The following PRKCQ variants were observed in gnomAD, a reference collection of about 807,000 sequenced individuals.
The protein encoded by PRKCQ is protein kinase C theta.
In PRKCQ, 41 loss-of-function variants were observed where a neutral mutation model predicts 91.2. That is an observed-to-expected ratio of 0.45 (90% CI 0.35 to 0.58). The LOEUF is 0.58. Ranked by LOEUF, PRKCQ falls within the 20% of genes least tolerant of loss-of-function variation. The pLI is 0.00. For missense variants in PRKCQ, 673 were observed against 896.5 expected (o/e 0.75, Z 3.18); for synonymous variants, 307 against 316.9 (o/e 0.97, Z 0.33).
chr10:6,544,152 T>C (rs1165743934), intron 1 of PRKCQ, among the ~76,000 whole-genome samples: 3 of 152,222 alleles, frequency 2.0e-5, no homozygotes, highest in Non-Finnish European at 4.4e-5. Flanking sequence ...CAAAGGGTTA[T>C]GTAGAATATT....
intron 8 of PRKCQ, among the ~76,000 whole-genome samples, chr10:6,486,680 C>T (rs538787282): frequency 2.6e-3 from 399 of 152,358 alleles, no homozygotes; most frequent in Non-Finnish European, 4.5e-3. Flanking sequence ...TTGAATTCTT[C>T]CTGGGCGAAG....
At position 6,497,267 on chromosome 10, in the gene PRKCQ, C is replaced by T. The variant is rs115566967; in HGVS notation, c.543-16G>A. On this transcript the variant is annotated splice_polypyrimidine_tract_variant and intron_variant, in intron 5 of 17. Transcript: ENST00000263125. The surrounding 1 kb of genome is among the most constrained non-coding windows in gnomAD (Gnocchi z 4.5). ...GTTCAGGCCCCTGTAATAAAGCACA[C>T]GCTGATTTATTTCAATGTTGGCATC... 3.0e-5 allele frequency: 49 copies of T among 1,613,896 alleles called. No individual in the cohort carries two copies. The highest frequency in any genetic ancestry group is 3.7e-5 in the Non-Finnish European group (44 of 1,179,976).
At chr10:6,544,000 T>C (rs1023054706) in intron 1 of PRKCQ, among the ~76,000 whole-genome samples, 6 of 152,146 alleles carry the variant, frequency 3.9e-5, no homozygotes, top group Non-Finnish European at 5.9e-5. Flanking sequence ...ATGGTTTGCA[T>C]ATTTCTTCCA....
chr10:6,473,659 T>C (rs111949570), intron 12 of PRKCQ, among the ~76,000 whole-genome samples: 166 of 152,346 alleles, frequency 1.1e-3, no homozygotes, highest in African/African-American at 3.7e-3. Context: ...GGGTTTTCTT[T>C]TCTTTGCTAC....
chr10:6,400,923 G>T, the PRKCQ span, among the ~76,000 whole-genome samples: 1 of 152,180 alleles, frequency 6.6e-6, no homozygotes, highest in African/African-American at 2.4e-5. Flanking sequence ...ACCATAGTTC[G>T]TTCCCTTTTA....
At chr10:6,556,712 A>T (rs1402911253) in intron 1 of PRKCQ, among the ~76,000 whole-genome samples, 3 of 152,094 alleles carry the variant, frequency 2.0e-5, no homozygotes, top group Non-Finnish European at 4.4e-5. Context: ...TTATGTAAGC[A>T]TTTGATTTAT....
chr10:6,480,697 T>C (rs1310714934), intron 11 of PRKCQ, among the ~76,000 whole-genome samples: 1 of 152,234 alleles, frequency 6.6e-6, no homozygotes, highest in Non-Finnish European at 1.5e-5. Flanking sequence ...GATCTCTGAA[T>C]CACAGTTGCT....
chr10:6,463,840 C>T (rs1268541389), intron 13 of PRKCQ, among the ~76,000 whole-genome samples: 3 of 152,130 alleles, frequency 2.0e-5, no homozygotes, highest in African/African-American at 2.4e-5. Context: ...CAGCCTGCCC[C>T]GTCTCCAGGT....
chr10:6,556,497 G>C (rs1840421575), intron 1 of PRKCQ, among the ~76,000 whole-genome samples: 2 of 149,460 alleles, frequency 1.3e-5, no homozygotes, highest in South Asian at 2.1e-4. Flanking sequence ...CAAATTCATA[G>C]AGACAAAGAG....
At chr10:6,494,881 G>C (rs1483578946) in intron 7 of PRKCQ, among the ~76,000 whole-genome samples, 1 of 152,110 alleles carries the variant, frequency 6.6e-6, no homozygotes, top group Non-Finnish European at 1.5e-5. Context: ...GCTTCAACTT[G>C]GATGTCCACC....
In PRKCQ at chr10:6,529,615, C is replaced by T. The variant is rs146287017; in HGVS notation, c.-9-14471G>A. ...GCCGAGTTCAAAAAGGCACAGAGACCCAGGAAGGAGTTAACATGTGAAGGA... is the reference window on the plus strand; with the variant it reads ...GCCGAGTTCAAAAAGGCACAGAGACTCAGGAAGGAGTTAACATGTGAAGGA... On this transcript the variant is annotated intron_variant, in intron 1 of 17. Transcript: ENST00000263125. Among the ~76,000 whole-genome samples, 12 of 152,236 alleles carry T rather than the reference C, an allele frequency of 7.9e-5. No individual in the cohort carries two copies. In the East Asian group the frequency reaches 2.3e-3, roughly 29 times the overall value.
intron 1 of PRKCQ, among the ~76,000 whole-genome samples, chr10:6,549,375 A>T (rs1840092689): frequency 6.6e-6 from 1 of 152,196 alleles, no homozygotes; most frequent in African/African-American, 2.4e-5. Context: ...CCAACATCAA[A>T]GACTGGACTA....
intron 2 of PRKCQ, 66 bp from the exon 3 acceptor site, chr10:6,511,260 T>G: frequency 6.9e-7 from 1 of 1,450,422 alleles, no homozygotes; most frequent in East Asian, 2.3e-5. Context: ...TCAGTTCAAC[T>G]CAACAGTAGC....
At chr10:6,522,353 C>T (rs141784288) in intron 1 of PRKCQ, among the ~76,000 whole-genome samples, 1 of 152,170 alleles carries the variant, frequency 6.6e-6, no homozygotes, top group Non-Finnish European at 1.5e-5. Flanking sequence ...GGTACATGAT[C>T]AAGTATAATT....
rs529950409 is a variant in PRKCQ, at chr10:6,501,288, A to G, written c.380-2730T>C. On this transcript the variant is annotated intron_variant, in intron 4 of 17. Transcript: ENST00000263125. ...CTCAAGGAGGTAAAAAGGTGAAAAA[A>G]AAGAAGAGATGATGTTCAAGATTGG... 3.3e-5 allele frequency among the ~76,000 whole-genome samples: 5 copies of G among 152,208 alleles called. No individual in the cohort carries two copies. In the East Asian group the frequency reaches 9.7e-4, roughly 29 times the overall value.
intron 1 of PRKCQ, among the ~76,000 whole-genome samples, chr10:6,557,113 T>C (rs1313160896): frequency 6.6e-6 from 1 of 152,220 alleles, no homozygotes; most frequent in Middle Eastern, 3.2e-3. Context: ...TAACAACTTC[T>C]GCCGTGGCTT....
chr10:6,520,774 A>G (rs560528427), intron 1 of PRKCQ, among the ~76,000 whole-genome samples: 1 of 152,182 alleles, frequency 6.6e-6, no homozygotes, highest in Admixed American at 6.5e-5. Flanking sequence ...TGCCATTTCT[A>G]CAGTCCGAGT....
intron 1 of PRKCQ, among the ~76,000 whole-genome samples, chr10:6,571,992 C>G (rs1286941631): frequency 6.6e-6 from 1 of 152,110 alleles, no homozygotes; most frequent in Non-Finnish European, 1.5e-5. Context: ...TAATCTGTGA[C>G]CCTAGATCAA....
intron 12 of PRKCQ, among the ~76,000 whole-genome samples, chr10:6,471,176 C>T (rs1835942309): frequency 6.6e-6 from 1 of 152,074 alleles, no homozygotes; most frequent in Admixed American, 6.5e-5. Flanking sequence ...TGTGCCCAGC[C>T]CCTGAACATT....
Sources: gnomAD v4.1 joint callset for allele counts (sites outside exome capture counted in the v4.1 genomes callset) on GRCh38, gnomAD v4.1.1 for gene constraint, Gnocchi (gnomAD v3.1) non-coding constraint, MANE v1.5 for transcripts, NCBI Gene and HGNC (gene_info 2026-07-23, HGNC 2026-07-21) for gene names.